PPP1R12B: variants seen among roughly 807,000 people sequenced by gnomAD.
The protein encoded by PPP1R12B is myosin phosphatase target subunit 2.
PPP1R12B carries 76 observed loss-of-function variants against 126.1 expected under a neutral mutation model. That is an observed-to-expected ratio of 0.60 (90% CI 0.50 to 0.73). The LOEUF is 0.73. PPP1R12B is among the 30% of genes least tolerant of loss of function. The pLI is 0.00. For synonymous variants in PPP1R12B, 356 were observed against 434.7 expected (o/e 0.82, Z 2.25); for missense variants, 1,052 against 1,205.1 (o/e 0.87, Z 1.88).
intron 1 of PPP1R12B, among the ~76,000 whole-genome samples, chr1:202,376,467 G>C (rs1661187524): frequency 6.6e-6 from 1 of 152,204 alleles, no homozygotes; most frequent in African/African-American, 2.4e-5. Context: ...ACAATTTGCT[G>C]TGTCATAGGT....
rs1441375864 is a variant in PPP1R12B, at chr1:202,590,660, G to A, written c.*10100G>A. ...ATTACAAAATAACAATTTGACAAGA[G>A]ATCAGACAAGAACAAGAGTCCACAT... On this transcript the variant is annotated 3_prime_UTR_variant, in exon 24 of 24. Transcript: ENST00000608999. 1 of 150,878 alleles carries A rather than the reference G, an allele frequency of 6.6e-6. No homozygotes were observed. The highest frequency in any genetic ancestry group is 1.5e-5 in the Non-Finnish European group (1 of 67,908). 9.3% of individuals were successfully genotyped at this position (150,878 alleles called of 1,614,324 possible). A position where few individuals can be genotyped will look rare whatever the true frequency, so the allele number is the denominator to read the frequency against.
At chr1:202,446,256 A>ATATATTTTTTT (rs376183502) in intron 12 of PPP1R12B, among the ~76,000 whole-genome samples, 4 of 54,344 alleles carry the variant, frequency 7.4e-5, no homozygotes, top group Admixed American at 3.8e-4. Context: ...ATATATATAT[A>ATATATTTTTTT]TTTTTTTTTT....
chr1:202,574,958 C>T (rs1303400070), intron 23 of PPP1R12B: 3 of 1,529,282 alleles, frequency 2.0e-6, no homozygotes, highest in Non-Finnish European at 2.7e-6. Flanking sequence ...TCTTGTCTCT[C>T]TCTGTCTTTT....
chr1:202,383,173 A>C (rs1343878924), intron 1 of PPP1R12B, among the ~76,000 whole-genome samples: 4 of 152,216 alleles, frequency 2.6e-5, no homozygotes, highest in Non-Finnish European at 5.9e-5. Context: ...AGGAAGCCCT[A>C]ATGCTTTTTA....
At chr1:202,550,752 T>A (rs1686221938) in intron 18 of PPP1R12B, among the ~76,000 whole-genome samples, 1 of 152,200 alleles carries the variant, frequency 6.6e-6, no homozygotes, top group Non-Finnish European at 1.5e-5. Flanking sequence ...TCATCCTATA[T>A]AGTACACAGC....
intron 10 of PPP1R12B, chr1:202,438,975 A>G: frequency 1.3e-6 from 2 of 1,521,822 alleles, no homozygotes; most frequent in Non-Finnish European, 1.8e-6. Flanking sequence ...CTCACAGGGC[A>G]GGAGCGCATG....
At chr1:202,469,672 A>G (rs1266768061) in intron 13 of PPP1R12B, among the ~76,000 whole-genome samples, 1 of 152,148 alleles carries the variant, frequency 6.6e-6, no homozygotes, top group Non-Finnish European at 1.5e-5. Context: ...AACTTACCTC[A>G]GGAAACCTGA....
intron 1 of PPP1R12B, among the ~76,000 whole-genome samples, chr1:202,371,287 C>T (rs1571645436): frequency 6.6e-6 from 1 of 151,010 alleles, no homozygotes; most frequent in African/African-American, 2.4e-5. Context: ...TCCCAAAGTG[C>T]TGGGATTACA....
At chr1:202,405,116 G>A (rs1666413970) in intron 1 of PPP1R12B, among the ~76,000 whole-genome samples, 1 of 152,108 alleles carries the variant, frequency 6.6e-6, no homozygotes, top group African/African-American at 2.4e-5. Context: ...CTGTTCTTTG[G>A]TAATGTGAGT....
chr1:202,455,791 C>T (rs1014759645), intron 13 of PPP1R12B, among the ~76,000 whole-genome samples: 6 of 152,162 alleles, frequency 3.9e-5, no homozygotes, highest in Non-Finnish European at 5.9e-5. Context: ...AGTACCATGA[C>T]GTGACCTATA....
At chr1:202,420,160 A>T (rs1423500880) in intron 2 of PPP1R12B, among the ~76,000 whole-genome samples, 2 of 152,156 alleles carry the variant, frequency 1.3e-5, no homozygotes, top group Non-Finnish European at 2.9e-5. Flanking sequence ...CTTTTGGAAT[A>T]GTGAAATTAG....
chr1:202,563,262 A>G (rs187504510), intron 20 of PPP1R12B, among the ~76,000 whole-genome samples: 1 of 152,274 alleles, frequency 6.6e-6, no homozygotes, highest in Non-Finnish European at 1.5e-5. Flanking sequence ...AACTATAGCC[A>G]TGCACCACCA....
chr1:202,440,962 T>C (rs924517513), intron 11 of PPP1R12B, among the ~76,000 whole-genome samples, 174 bp downstream of exon 11: 1 of 152,208 alleles, frequency 6.6e-6, no homozygotes, highest in Middle Eastern at 3.2e-3. Context: ...GCTTTGCTGG[T>C]TCTTTATTTT....
intron 13 of PPP1R12B, among the ~76,000 whole-genome samples, chr1:202,455,970 GA>G (rs1045722158): frequency 1.3e-5 from 2 of 152,038 alleles, no homozygotes; most frequent in Non-Finnish European, 2.9e-5. Flanking sequence ...AAGAGATAGA[GA>G]AAAGTGAATG....
intron 1 of PPP1R12B, among the ~76,000 whole-genome samples, chr1:202,359,512 T>C (rs1352369620): frequency 1.3e-5 from 2 of 152,022 alleles, no homozygotes; most frequent in Non-Finnish European, 1.5e-5. Flanking sequence ...CTGGGCGTGG[T>C]GGCTCATGCC....
intron 13 of PPP1R12B, among the ~76,000 whole-genome samples, chr1:202,459,921 A>C (rs1285365741): frequency 6.6e-6 from 1 of 152,212 alleles, no homozygotes; most frequent in Non-Finnish European, 1.5e-5. Context: ...AAAGGGACTG[A>C]TTTGACAGGA....
intron 18 of PPP1R12B, among the ~76,000 whole-genome samples, chr1:202,534,152 A>G (rs1377815634): frequency 6.6e-6 from 1 of 152,024 alleles, no homozygotes; most frequent in South Asian, 2.1e-4. Context: ...ATTCATTGCT[A>G]TCATTATTTA....
chr1:202,573,136 G>C (rs913289938), intron 23 of PPP1R12B, among the ~76,000 whole-genome samples: 2 of 151,774 alleles, frequency 1.3e-5, no homozygotes, highest in Admixed American at 1.3e-4. Flanking sequence ...TGAGAGCCAG[G>C]GACTTTCCAT....
intron 13 of PPP1R12B, among the ~76,000 whole-genome samples, chr1:202,449,530 CCT>C (rs1365831849): frequency 6.6e-6 from 1 of 151,756 alleles, no homozygotes; most frequent in East Asian, 1.9e-4. Flanking sequence ...TCCACCTCGG[CCT>C]CTCAAAGTGC....
Sources: allele counts gnomAD v4.1 joint callset (sites outside exome capture counted in the v4.1 genomes callset), GRCh38; gene constraint gnomAD v4.1.1; transcripts MANE v1.5; gene names NCBI Gene and HGNC (gene_info 2026-07-23, HGNC 2026-07-21).